Variants in RIMS2 observed in about 807,000 individuals in gnomAD.
RIMS2 encodes the protein regulating synaptic membrane exocytosis protein 2.
Under a neutral mutation model 174.4 loss-of-function variants are expected in RIMS2, and 59 were observed. The observed-to-expected ratio is 0.34, with a 90% CI of 0.27 to 0.42. RIMS2 has a LOEUF of 0.42. Among genes scored for constraint, RIMS2 ranks in the 10% least tolerant of loss-of-function variants. The pLI is 1.00. For missense variants in RIMS2, 1,620 were observed against 1,666.3 expected (o/e 0.97, Z 0.48); for synonymous variants, 606 against 572.5 (o/e 1.06, Z -0.84).
intron 1 of RIMS2, among the ~76,000 whole-genome samples, chr8:103,685,278 T>C (rs1399305366): frequency 6.6e-6 from 1 of 152,106 alleles, no homozygotes; most frequent in Non-Finnish European, 1.5e-5. Context: ...AAACCCTCCA[T>C]TCATGGTGGA....
rs1310990750 is a variant in RIMS2, at chr8:103,859,211, G to A, written c.699-26087G>A. 2.0e-5 allele frequency among the ~76,000 whole-genome samples: 3 copies of A among 152,054 alleles called. No individual in the cohort carries two copies. In the East Asian group the frequency reaches 5.8e-4, roughly 29 times the overall value. ...AGAGTTTTCTAAAAGGAAAGAAACT[G>A]ACAATTACCTTCAGCTCTTAAACCC... is the stretch of plus-strand genomic sequence containing the variant. On this transcript the variant is annotated intron_variant, in intron 3 of 23. Coordinates refer to ENST00000504942, the Ensembl canonical transcript of RIMS2.
intron 1 of RIMS2, among the ~76,000 whole-genome samples, chr8:103,592,261 C>A (rs1268055319): frequency 6.6e-6 from 1 of 151,188 alleles, no homozygotes; most frequent in Non-Finnish European, 1.5e-5. Flanking sequence ...TTATAACAAC[C>A]ATTATCCTAT....
intron 3 of RIMS2, among the ~76,000 whole-genome samples, chr8:103,873,602 T>C (rs2099122428): frequency 6.6e-6 from 1 of 152,134 alleles, no homozygotes; most frequent in African/African-American, 2.4e-5. Context: ...TTTGTTGTTA[T>C]CTCTTTCTAG....
intron 1 of RIMS2, among the ~76,000 whole-genome samples, chr8:103,609,336 G>C (rs999766455): frequency 1.3e-5 from 2 of 152,080 alleles, no homozygotes; most frequent in Non-Finnish European, 2.9e-5. Flanking sequence ...AATTTCTTTT[G>C]CTGTACAGAA....
At chr8:104,119,334 C>T (rs1240908536) in intron 19 of RIMS2, among the ~76,000 whole-genome samples, 1 of 151,874 alleles carries the variant, frequency 6.6e-6, no homozygotes, top group East Asian at 1.9e-4. Context: ...GCACTCCAGT[C>T]TGGCAAGTGA....
At chr8:103,955,834 T>C (rs535007962) in intron 14 of RIMS2, among the ~76,000 whole-genome samples, 4 of 152,320 alleles carry the variant, frequency 2.6e-5, no homozygotes, top group African/African-American at 9.6e-5. Flanking sequence ...GATGACATGA[T>C]TGTGTATTTA....
chr8:103,661,786 T>A (rs760068507), intron 1 of RIMS2, among the ~76,000 whole-genome samples: 1 of 152,224 alleles, frequency 6.6e-6, no homozygotes, highest in Non-Finnish European at 1.5e-5. Context: ...ATTACAGGCG[T>A]GAGCCACTGC....
At chr8:104,171,771 T>G (rs1471985715) in intron 19 of RIMS2, among the ~76,000 whole-genome samples, 1 of 152,262 alleles carries the variant, frequency 6.6e-6, no homozygotes, top group African/African-American at 2.4e-5. Flanking sequence ...GGTAAACTAT[T>G]TCTTGAAATT....
At chr8:103,944,610 A>G (rs1279329106) in intron 14 of RIMS2, among the ~76,000 whole-genome samples, 1 of 152,074 alleles carries the variant, frequency 6.6e-6, no homozygotes, top group Non-Finnish European at 1.5e-5. Context: ...CAATGAGATT[A>G]GAGTACTGGT....
At chr8:103,923,933 G>A (rs1361524275) in intron 10 of RIMS2, among the ~76,000 whole-genome samples, 2 of 151,580 alleles carry the variant, frequency 1.3e-5, no homozygotes, top group Non-Finnish European at 3.0e-5. Context: ...TTTTCTCTTA[G>A]TAATATTGTG....
At chr8:103,629,607 A>C (rs2095864744) in intron 1 of RIMS2, among the ~76,000 whole-genome samples, 1 of 152,260 alleles carries the variant, frequency 6.6e-6, no homozygotes, top group African/African-American at 2.4e-5. Flanking sequence ...TACTTGTCAT[A>C]TTGAGAACTA....
intron 19 of RIMS2, among the ~76,000 whole-genome samples, chr8:104,066,692 C>T (rs562232447): frequency 2.6e-5 from 4 of 152,206 alleles, no homozygotes; most frequent in Non-Finnish European, 5.9e-5. Flanking sequence ...ATATGTCATT[C>T]AAATTATATT....
chr8:103,705,622 G>T (rs747356132), intron 2 of RIMS2, among the ~76,000 whole-genome samples: 1 of 151,808 alleles, frequency 6.6e-6, no homozygotes, highest in Non-Finnish European at 1.5e-5. Context: ...CTATATATTT[G>T]GGTTCTATGA....
intron 19 of RIMS2, among the ~76,000 whole-genome samples, chr8:104,137,479 A>G (rs2098530774): frequency 6.6e-6 from 1 of 152,194 alleles, no homozygotes; most frequent in South Asian, 2.1e-4. Context: ...TGTGGCAAAC[A>G]TTATTTTAAA....
At chr8:103,742,514 A>T (rs1454008879) in intron 2 of RIMS2, among the ~76,000 whole-genome samples, 1 of 152,156 alleles carries the variant, frequency 6.6e-6, no homozygotes, top group Non-Finnish European at 1.5e-5. Context: ...GCACTGACAG[A>T]CTTACCAGGC....
intron 19 of RIMS2, among the ~76,000 whole-genome samples, chr8:104,163,329 A>G (rs1566776104): frequency 6.6e-6 from 1 of 152,204 alleles, no homozygotes; most frequent in Non-Finnish European, 1.5e-5. Flanking sequence ...TTGAACTTCC[A>G]CTGAGTGACA....
chr8:104,146,930 A>C (rs1192810880), intron 19 of RIMS2, among the ~76,000 whole-genome samples: 1 of 152,074 alleles, frequency 6.6e-6, no homozygotes, highest in East Asian at 1.9e-4. Context: ...CCTGGGCTTA[A>C]GCAGTCGTCA....
chr8:103,819,601 CT>C, intron 3 of RIMS2: 1 of 1,613,324 alleles, frequency 6.2e-7, no homozygotes, highest in African/African-American at 1.3e-5. Flanking sequence ...ACAAAATGAG[CT>C]TTTTGGACAA....
intron 19 of RIMS2, among the ~76,000 whole-genome samples, chr8:104,107,485 A>T (rs78308788): frequency 0.022 from 3,337 of 152,198 alleles, 126 homozygotes; most frequent in African/African-American, 0.075. Context: ...TTTCATACAT[A>T]GTAGGGACTC....
Sources: allele counts gnomAD v4.1 joint callset (sites outside exome capture counted in the v4.1 genomes callset), GRCh38; gene constraint gnomAD v4.1.1; transcripts MANE v1.5; gene names NCBI Gene and HGNC (gene_info 2026-07-23, HGNC 2026-07-21).